Variants in CDYL2 observed in about 807,000 individuals in gnomAD.
The protein encoded by CDYL2 is chromodomain Y like 2, also known as chromodomain Y-like protein 2.
Under a neutral mutation model 49.4 loss-of-function variants are expected in CDYL2, and 23 were observed. The ratio of observed to expected loss-of-function variants is 0.47; its 90% CI spans 0.34 to 0.66. The LOEUF (loss-of-function observed/expected upper bound fraction) is 0.66, where lower values mean the gene tolerates loss of function less well. CDYL2 is among the 30% of genes least tolerant of loss of function. The pLI, the probability that CDYL2 is intolerant of heterozygous loss-of-function variation, is 0.01. For missense variants in CDYL2, 678 were observed against 656.4 expected, an observed-to-expected ratio of 1.03 and a Z score of -0.36; for synonymous variants, 360 against 268.8, an observed-to-expected ratio of 1.34 and a Z score of -3.32.
intron 2 of CDYL2, among the ~76,000 whole-genome samples, chr16:80,671,636 C>T (rs994873856): frequency 6.6e-6 from 1 of 152,200 alleles, no homozygotes. Context: ...GAGGAAGTTA[C>T]AAAGAGTACT....
chr16:80,610,337 G>A (rs550925064), intron 5 of CDYL2, among the ~76,000 whole-genome samples: 17 of 152,284 alleles, frequency 1.1e-4, no homozygotes, highest in African/African-American at 3.9e-4. Flanking sequence ...GAGAATGTGC[G>A]GAGCTGCCTC....
chr16:80,648,316 G>A (rs1379219353), intron 2 of CDYL2, among the ~76,000 whole-genome samples: 3 of 152,004 alleles, frequency 2.0e-5, no homozygotes, highest in African/African-American at 4.8e-5. Flanking sequence ...TGAAAATGGA[G>A]ACCTTTTAAC....
intron 1 of CDYL2, among the ~76,000 whole-genome samples, chr16:80,748,038 C>T (rs545110759): frequency 8.5e-4 from 129 of 151,836 alleles, no homozygotes; most frequent in Middle Eastern, 3.4e-3. Context: ...CCAGCCTCCA[C>T]CCCAGTGACC....
intron 1 of CDYL2, among the ~76,000 whole-genome samples, chr16:80,709,561 G>GAC (rs10673992): frequency 0.22 from 31,611 of 143,452 alleles, 4,091 homozygotes; most frequent in African/African-American, 0.36. Flanking sequence ...GGAATAAACA[G>GAC]ACACACACAC....
chr16:80,673,870 G>A (rs895384607), intron 2 of CDYL2, among the ~76,000 whole-genome samples: 1 of 152,204 alleles, frequency 6.6e-6, no homozygotes, highest in African/African-American at 2.4e-5. Context: ...GTAAGAGGGA[G>A]GCAGGGGGCT....
intron 1 of CDYL2, among the ~76,000 whole-genome samples, chr16:80,717,820 C>T (rs984591525): frequency 2.6e-5 from 4 of 152,246 alleles, no homozygotes; most frequent in East Asian, 3.8e-4. Context: ...GACTCCCCAT[C>T]ATATGCTAGA....
chr16:80,777,213 G>T (rs374652923), intron 1 of CDYL2, among the ~76,000 whole-genome samples: 1 of 152,026 alleles, frequency 6.6e-6, no homozygotes, highest in Non-Finnish European at 1.5e-5. Flanking sequence ...ACTGAGAAGG[G>T]GGCACACAGA....
At chr16:80,754,032 G>A (rs1253291360) in intron 1 of CDYL2, among the ~76,000 whole-genome samples, 1 of 152,224 alleles carries the variant, frequency 6.6e-6, no homozygotes, top group East Asian at 1.9e-4. Flanking sequence ...AAGGCCCTAT[G>A]CTGAGAACAT....
chr16:80,679,184 T>C lies in CDYL2; in HGVS notation c.616+5354A>G, dbSNP rs2316148. Among the ~76,000 whole-genome samples the C allele has an allele frequency of 3.5e-3, 528 of 150,886 alleles. 5 individuals are homozygous for C. Among genetic ancestry groups the C allele is most frequent in the African/African-American group, 0.012 (501 of 40,932 alleles). On this transcript the variant is annotated intron_variant, in intron 2 of 6. Transcript: ENST00000570137. ...GCTAGATGACGAGTTAGTGGGTGCA[T>C]TGTGCCAGCATGTCACATGTATACA...
chr16:80,714,364 T>C (rs1310772648), intron 1 of CDYL2, among the ~76,000 whole-genome samples: 1 of 152,200 alleles, frequency 6.6e-6, no homozygotes, highest in Non-Finnish European at 1.5e-5. Flanking sequence ...TGATAAATGT[T>C]TGAGGTAAGG....
intron 5 of CDYL2, among the ~76,000 whole-genome samples, chr16:80,609,250 G>C (rs188373896): frequency 1.3e-5 from 2 of 152,332 alleles, no homozygotes; most frequent in Admixed American, 1.3e-4. Flanking sequence ...CTGATAATTA[G>C]GGCATAATGG....
intron 1 of CDYL2, among the ~76,000 whole-genome samples, chr16:80,779,325 A>C (rs895157502): frequency 6.6e-6 from 1 of 151,184 alleles, no homozygotes; most frequent in South Asian, 2.1e-4. Flanking sequence ...TCAATAAGAA[A>C]TGAAAAACAC....
intron 2 of CDYL2, among the ~76,000 whole-genome samples, chr16:80,642,381 G>T (rs560158736): frequency 1.3e-4 from 20 of 152,296 alleles, no homozygotes; most frequent in Admixed American, 6.5e-5. Context: ...GGCGGAAGTT[G>T]CAGTGAGCCA....
chr16:80,716,625 G>C (rs1474570529), intron 1 of CDYL2, among the ~76,000 whole-genome samples: 1 of 152,034 alleles, frequency 6.6e-6, no homozygotes, highest in African/African-American at 2.4e-5. Flanking sequence ...GGCTAGATGG[G>C]TGGATGGATG....
At position 80,657,237 on chromosome 16, in the gene CDYL2, T is replaced by A. The variant is rs565548166; in HGVS notation, c.617-24001A>T. On this transcript the variant is annotated intron_variant, in intron 2 of 6. Coordinates refer to ENST00000570137, the MANE Select transcript of CDYL2 (RefSeq NM_152342.4). ...GACTTTAAAATAGGAACATTTCAAA[T>A]GCTCAGATGCAAGAAAAACATTCAT... Among the ~76,000 whole-genome samples, 9 of 152,334 alleles carry A rather than the reference T, an allele frequency of 5.9e-5. No individual in the cohort carries two copies. In the South Asian group the frequency reaches 1.7e-3, roughly 28 times the overall value.
Position 80,639,455 on chromosome 16 carries a change from C to A in CDYL2, c.617-6219G>T, listed in dbSNP as rs577955339. Among the ~76,000 whole-genome samples the A allele has an allele frequency of 6.6e-5, 10 of 152,218 alleles. No individual in the cohort carries two copies. In the South Asian group the frequency reaches 2.1e-3, roughly 32 times the overall value. On this transcript the variant is annotated intron_variant, in intron 2 of 6. Transcript: ENST00000570137. ...CAAAAATTGGAAGCAACCATTGTGT[C>A]CTTTAATAAGTGAAGGGATAAACAA...
intron 1 of CDYL2, among the ~76,000 whole-genome samples, chr16:80,704,044 C>T (rs1904326257): frequency 6.6e-6 from 1 of 152,106 alleles, no homozygotes; most frequent in Non-Finnish European, 1.5e-5. Context: ...GTGAAGGTGA[C>T]CAGTAAAAAC....
intron 1 of CDYL2, among the ~76,000 whole-genome samples, chr16:80,706,320 A>C (rs2142506572): frequency 6.6e-6 from 1 of 152,282 alleles, no homozygotes; most frequent in African/African-American, 2.4e-5. Context: ...GAGCTCAAAA[A>C]CAGGAGGGCA....
In CDYL2 at chr16:80,682,510, C is replaced by G. The variant is rs543579581; in HGVS notation, c.616+2028G>C. Among the ~76,000 whole-genome samples the G allele has an allele frequency of 2.0e-4, 30 of 152,322 alleles. No individual in the cohort carries two copies. The South Asian group carries it at 6.2e-3, about 32-fold the overall frequency. The stretch of plus-strand genomic sequence containing the variant: ...CCTCACCGCAGAAGATTGCACAGCA[C>G]AAGAGGCACACCCTCATGTAGACCC... On this transcript the variant is annotated intron_variant, in intron 2 of 6. Transcript: ENST00000570137.
Sources: allele counts gnomAD v4.1 joint callset (sites outside exome capture counted in the v4.1 genomes callset), GRCh38; gene constraint gnomAD v4.1.1; transcripts MANE v1.5; gene names NCBI Gene and HGNC (gene_info 2026-07-23, HGNC 2026-07-21).